ANO2: variants seen among roughly 807,000 people sequenced by gnomAD.
ANO2 encodes anoctamin 2, also known as anoctamin-2.
In ANO2, 101 loss-of-function variants were observed where a neutral mutation model predicts 124.2. The observed-to-expected ratio is 0.81, with a 90% CI of 0.69 to 0.96. The LOEUF (loss-of-function observed/expected upper bound fraction) is 0.96. ANO2 is among the 40% of genes least tolerant of loss of function. The pLI is 0.00. For synonymous variants in ANO2, 486 were observed against 482.5 expected, an observed-to-expected ratio of 1.01 and a Z score of -0.09; for missense variants, 1,293 against 1,274.5, an observed-to-expected ratio of 1.01 and a Z score of -0.22.
chr12:5,624,085 C>T (rs1398217929), intron 16 of ANO2, among the ~76,000 whole-genome samples: 1 of 152,176 alleles, frequency 6.6e-6, no homozygotes, highest in African/African-American at 2.4e-5. Context: ...CTTCCTAGCA[C>T]AGGGGGCCTA....
At chr12:5,776,685 G>A (rs117029494) in intron 10 of ANO2, among the ~76,000 whole-genome samples, 591 of 152,276 alleles carry the variant, frequency 3.9e-3, no homozygotes, top group Non-Finnish European at 6.1e-3. Context: ...GCCTGGACTC[G>A]GCCATGAGCT....
At chr12:5,724,024 A>C (rs1253965029) in intron 14 of ANO2, among the ~76,000 whole-genome samples, 1 of 152,088 alleles carries the variant, frequency 6.6e-6, no homozygotes, top group East Asian at 1.9e-4. Context: ...TCCTCAGCTC[A>C]TGCAGGCGTA....
At chr12:5,837,862 C>G (rs1220751189) in intron 4 of ANO2, among the ~76,000 whole-genome samples, 1 of 151,778 alleles carries the variant, frequency 6.6e-6, no homozygotes, top group East Asian at 1.9e-4. Context: ...TAACTAAAAT[C>G]AGAGCAGAAC....
rs537917760 is a variant in ANO2 at position 5,900,191 on chromosome 12, C to T, written c.534+20849G>A. On this transcript the variant is annotated intron_variant, in intron 3 of 24. Transcript: ENST00000682330. This position sits in a 1 kb window ranked among gnomAD's most constrained non-coding sequence, Gnocchi z 4.2. ...ACAGCCCTGGATTTCAATGTAATCA[C>T]GGACAACCAAGAGCCCTGAGAGGAT... is the stretch of plus-strand genomic sequence containing the variant. Among the ~76,000 whole-genome samples, 2 of 152,224 alleles carry T rather than the reference C, an allele frequency of 1.3e-5. No individual in the cohort carries two copies. The highest frequency in any genetic ancestry group is 2.4e-5 in the African/African-American group (1 of 41,520).
chr12:5,624,209 G>T (rs1474876118), intron 16 of ANO2, among the ~76,000 whole-genome samples: 6 of 151,378 alleles, frequency 4.0e-5, no homozygotes, highest in African/African-American at 1.5e-4. Context: ...CTCCTTTTAA[G>T]AAAAAAGGGA....
intron 14 of ANO2, among the ~76,000 whole-genome samples, chr12:5,672,986 G>A (rs1948083991): frequency 6.6e-6 from 1 of 151,988 alleles, no homozygotes; most frequent in Non-Finnish European, 1.5e-5. Flanking sequence ...ATATCCATGG[G>A]GAGGAATCTT....
intron 7 of ANO2, among the ~76,000 whole-genome samples, chr12:5,823,522 G>T (rs1010091997): frequency 1.3e-5 from 2 of 152,238 alleles, no homozygotes; most frequent in Admixed American, 1.3e-4. Context: ...TCACGCTGAT[G>T]CAAGATGTTG....
chr12:5,645,264 A>G (rs745698218), intron 15 of ANO2, among the ~76,000 whole-genome samples: 2 of 152,004 alleles, frequency 1.3e-5, no homozygotes, highest in Non-Finnish European at 2.9e-5. Context: ...GCTTTGTCTA[A>G]TTTGTTGTTA....
At position 5,904,884 on chromosome 12, in the gene ANO2, G is replaced by A. The variant is rs539535783; in HGVS notation, c.534+16156C>T. 9.8e-5 allele frequency among the ~76,000 whole-genome samples: 15 copies of A among 152,314 alleles called. No individual in the cohort carries two copies. In the East Asian group the frequency reaches 2.9e-3, roughly 29 times the overall value. On this transcript the variant is annotated intron_variant, in intron 3 of 24. Coordinates refer to ENST00000682330, the MANE Select transcript of ANO2 (RefSeq NM_001364791.2). This position sits in a 1 kb window ranked among gnomAD's most constrained non-coding sequence, Gnocchi z 4.1. ...CAAGCTCCCACCTAGGCTGACAGGA[G>A]GGAAGACAGGATCAGCAGAACAAAG...
intron 14 of ANO2, among the ~76,000 whole-genome samples, chr12:5,655,613 T>C (rs913194273): frequency 2.0e-5 from 3 of 152,224 alleles, no homozygotes; most frequent in Non-Finnish European, 4.4e-5. Context: ...CATTTTTAAA[T>C]TGTTGGCAAT....
At chr12:5,650,852 C>T (rs397643) in intron 14 of ANO2, among the ~76,000 whole-genome samples, 152,220 of 152,348 alleles carry the variant, frequency 1, 76,047 homozygotes, top group Middle Eastern at 1. Context: ...GCCCTATCTG[C>T]AAAATATAGT....
At chr12:5,916,492 TA>T (rs57056611) in intron 3 of ANO2, among the ~76,000 whole-genome samples, 1,907 of 93,132 alleles carry the variant, frequency 0.02, 42 homozygotes, top group African/African-American at 0.065. Context: ...CGCAGCAGGT[TA>T]AAAAAAAAAA....
intron 1 of ANO2, 82 bp downstream of exon 1, chr12:5,945,114 G>A: frequency 1.6e-6 from 2 of 1,229,472 alleles, no homozygotes; most frequent in Non-Finnish European, 2.1e-6. Flanking sequence ...CCCGAAGGGT[G>A]GGAGTTCGGA....
intron 14 of ANO2, among the ~76,000 whole-genome samples, chr12:5,669,047 T>C (rs1469683180): frequency 6.6e-6 from 1 of 151,468 alleles, no homozygotes; most frequent in Non-Finnish European, 1.5e-5. Context: ...TTTAGTACCA[T>C]ATGAATTTTA....
chr12:5,742,722 A>G (rs1398233847), intron 12 of ANO2, among the ~76,000 whole-genome samples: 1 of 152,154 alleles, frequency 6.6e-6, no homozygotes, highest in African/African-American at 2.4e-5. Flanking sequence ...TGGGCATTAG[A>G]GTTGTAATAT....
intron 1 of ANO2, among the ~76,000 whole-genome samples, chr12:5,930,633 C>G (rs1942323717): frequency 6.6e-6 from 1 of 152,080 alleles, no homozygotes; most frequent in South Asian, 2.1e-4. Context: ...GTGCCCTGGG[C>G]ACTTCATTTC....
intron 4 of ANO2, among the ~76,000 whole-genome samples, chr12:5,846,226 T>C (rs4764510): frequency 0.87 from 132,583 of 152,168 alleles, 59,220 homozygotes; most frequent in East Asian, 1. Flanking sequence ...ATGAGCCACA[T>C]TGGGTCTCCT....
At chr12:5,669,691 G>C (rs553073681) in intron 14 of ANO2, among the ~76,000 whole-genome samples, 1 of 152,222 alleles carries the variant, frequency 6.6e-6, no homozygotes, top group Non-Finnish European at 1.5e-5. Context: ...ATGGCTGGAA[G>C]TATTGGTAAT....
At chr12:5,753,381 A>T (rs1951493788) in intron 10 of ANO2, among the ~76,000 whole-genome samples, 1 of 152,210 alleles carries the variant, frequency 6.6e-6, no homozygotes, top group African/African-American at 2.4e-5. Flanking sequence ...AGGTGAACAT[A>T]GAGCAGCTGC....
Sources: allele counts gnomAD v4.1 joint callset (sites outside exome capture counted in the v4.1 genomes callset), GRCh38; gene constraint gnomAD v4.1.1; non-coding constraint Gnocchi (gnomAD v3.1); transcripts MANE v1.5; gene names NCBI Gene and HGNC (gene_info 2026-07-23, HGNC 2026-07-21).